OTOP1: variants seen among roughly 807,000 people sequenced by gnomAD.
OTOP1 encodes proton channel OTOP1.
A neutral mutation model predicts 52.9 loss-of-function variants in OTOP1; 59 were observed. That is an observed-to-expected ratio of 1.12 (90% CI 0.91 to 1.39). The LOEUF is 1.39. Ranked by LOEUF, OTOP1 falls within the 40% of genes most tolerant of loss-of-function variation. The pLI, the probability that OTOP1 is intolerant of heterozygous loss-of-function variation, is 0.00. For synonymous variants in OTOP1, 317 were observed against 337.7 expected (o/e 0.94, Z 0.67); for missense variants, 761 against 800.9 (o/e 0.95, Z 0.60).
chr4:4,212,829 A>G lies in OTOP1; in HGVS notation c.540+39T>C, dbSNP rs756611498. 2.5e-6 allele frequency: 4 copies of G among 1,609,462 alleles called. No homozygotes were observed. In the South Asian group the frequency reaches 4.4e-5, roughly 18 times the overall value. ...TTCTACACAACCTGGGATACACTTC[A>G]TAGGAATGAGACAATATAAATAAAC... is the stretch of plus-strand genomic sequence containing the variant. On this transcript the variant is annotated intron_variant, in intron 2 of 5. Coordinates refer to ENST00000296358, the MANE Select transcript of OTOP1 (RefSeq NM_177998.3).
chr4:4,218,214 A>G (rs1462432454), intron 1 of OTOP1, among the ~76,000 whole-genome samples: 1 of 152,050 alleles, frequency 6.6e-6, no homozygotes, highest in African/African-American at 2.4e-5. Context: ...CAACATGGTG[A>G]AACCCCGTCT....
At position 4,212,800 on chromosome 4, in the gene OTOP1, A is replaced by G. The variant is rs1717053716; in HGVS notation, c.540+68T>C. The G allele has an allele frequency of 5.1e-6, 8 of 1,562,420 alleles. No homozygotes were observed. In the Admixed American group the frequency reaches 1.3e-4, roughly 26 times the overall value. ...CACCTGCCACACGTCTTGATGTTAC[A>G]AGTTTCTACACAACCTGGGATACAC... On this transcript the variant is annotated intron_variant, in intron 2 of 5. Transcript: ENST00000296358.
chr4:4,189,732 G>T (rs1278251264), intron 5 of OTOP1, among the ~76,000 whole-genome samples: 1 of 152,252 alleles, frequency 6.6e-6, no homozygotes, highest in Non-Finnish European at 1.5e-5. Context: ...GAGCTGCCAT[G>T]CTGTGAAGCA....
chr4:4,190,220 C>T (rs1215357071), intron 5 of OTOP1, among the ~76,000 whole-genome samples: 1 of 152,188 alleles, frequency 6.6e-6, no homozygotes, highest in African/African-American at 2.4e-5. Flanking sequence ...CACCTATAAT[C>T]CCAGAACTTT....
rs200964011 is a variant in OTOP1 at position 4,197,223 on chromosome 4, G to T, written c.1611C>A (p.Asn537Lys). ...TATTCCTCAGGACTTTTCTCTTGGC[G>T]TTGCCCTGTAAGAAACGGGGAAGGC... ...PVRLPRFLQG[N>K]AKRKVLRNIA... is the part of the protein sequence containing the mutation. The change falls in exon 5 of 6, where the codon AAC (asparagine) becomes AAA (lysine). Residue 537 changes from asparagine to lysine, a missense_variant. Asn to Lys is a moderately conservative substitution (Grantham distance 94). Transcript: ENST00000296358. The T allele has an allele frequency of 7.0e-7, 1 of 1,418,592 alleles. No individual in the cohort carries two copies. The highest frequency in any genetic ancestry group is 1.3e-5 in the South Asian group (1 of 74,880). 87.9% of individuals were successfully genotyped at this position (1,418,592 alleles called of 1,614,324 possible). A position where few individuals can be genotyped will look rare whatever the true frequency, so the allele number is the denominator to read the frequency against.
chr4:4,213,914 A>G (rs1717080604), intron 1 of OTOP1, among the ~76,000 whole-genome samples: 1 of 152,106 alleles, frequency 6.6e-6, no homozygotes, highest in Non-Finnish European at 1.5e-5. Flanking sequence ...ACGTGGTGAA[A>G]CCCGTCTCTA....
chr4:4,202,309 G>C (rs28706369), intron 4 of OTOP1, 139 bp downstream of exon 4: 14 of 1,140,352 alleles, frequency 1.2e-5, no homozygotes, highest in Admixed American at 4.0e-5. Context: ...CAACAACAGC[G>C]GGCTGTCTGG....
intron 5 of OTOP1, among the ~76,000 whole-genome samples, chr4:4,190,333 G>C (rs1716474654): frequency 6.6e-6 from 1 of 152,148 alleles, no homozygotes; most frequent in African/African-American, 2.4e-5. Flanking sequence ...AATTAGCCAG[G>C]TATGGCGGCA....
rs1374150119 is a variant in OTOP1, at chr4:4,197,715, C to G, written c.1119G>C (p.Arg373Ser). The G allele has an allele frequency of 6.2e-7, 1 of 1,613,722 alleles. No homozygotes were observed. Among genetic ancestry groups the G allele is most frequent in the Non-Finnish European group, 8.5e-7 (1 of 1,179,988 alleles). ...ACTCATCCAGTGACTTCTCGTCTAT[C>G]CTGTAAATCCGGATTCCAGCCAGCC... ...AAGLAGIRIY[R>S]IDEKSLDESK... Residue 373 changes from arginine to serine, a missense_variant, in exon 5 of 6, where the codon AGG becomes AGC. Around this residue, in one of 3 missense-constraint regions of OTOP1, gnomAD observed 632 missense variants for 619.5 expected, o/e 1.02. Transcript: ENST00000296358.
chr4:4,220,851 C>T (rs1415581463), intron 1 of OTOP1, among the ~76,000 whole-genome samples: 1 of 152,030 alleles, frequency 6.6e-6, no homozygotes, highest in Non-Finnish European at 1.5e-5. Flanking sequence ...TCTTGAACCC[C>T]CCTCTTAGAG....
chr4:4,224,870 C>T (rs1209360191), intron 1 of OTOP1, among the ~76,000 whole-genome samples: 3 of 151,678 alleles, frequency 2.0e-5, no homozygotes, highest in African/African-American at 7.3e-5. Flanking sequence ...GGAGTAATTC[C>T]TGCCAGGCAT....
chr4:4,220,009 AT>A (rs1553853622), intron 1 of OTOP1, among the ~76,000 whole-genome samples: 1 of 49,736 alleles, frequency 2.0e-5, no homozygotes, highest in East Asian at 5.6e-4. Context: ...ATACATATAT[AT>A]GTATATACAT....
intron 1 of OTOP1, among the ~76,000 whole-genome samples, chr4:4,218,896 TC>T (rs1717209907): frequency 6.6e-6 from 1 of 151,244 alleles, no homozygotes; most frequent in South Asian, 2.1e-4. Flanking sequence ...GCCACTGCAC[TC>T]CAGCCTGGGT....
chr4:4,211,057 G>A (rs1161173190), intron 2 of OTOP1, among the ~76,000 whole-genome samples: 1 of 152,102 alleles, frequency 6.6e-6, no homozygotes, highest in African/African-American at 2.4e-5. Context: ...AAGCTCCCCA[G>A]TGATCCCATC....
rs367562477 is a variant in OTOP1, at chr4:4,210,633, C to G, written c.540+2235G>C. The stretch of plus-strand genomic sequence containing the variant: ...ATTGCCTGAGGTCAGGAGTTCGAGA[C>G]CAGCCTGGCCAACATGGTGAAACCT... On this transcript the variant is annotated intron_variant, in intron 2 of 5. Coordinates refer to ENST00000296358, the MANE Select transcript of OTOP1 (RefSeq NM_177998.3). Among the ~76,000 whole-genome samples the G allele has an allele frequency of 1.3e-3, 194 of 152,238 alleles. 3 individuals carry two copies. The South Asian group carries it at 0.038, about 30-fold the overall frequency.
At chr4:4,215,224 G>C (rs2920179) in intron 1 of OTOP1, among the ~76,000 whole-genome samples, 24,612 of 152,208 alleles carry the variant, frequency 0.16, 2,411 homozygotes, top group Non-Finnish European at 0.22. Context: ...CCCAGAGTCT[G>C]ACAAATGATA....
chr4:4,201,471 T>TACAC lies in OTOP1; in HGVS notation c.730+973_730+976dup, dbSNP rs762922216. Among the ~76,000 whole-genome samples, 370 of 140,838 alleles carry TACAC rather than the reference T, an allele frequency of 2.6e-3. 2 individuals are homozygous for TACAC. Among genetic ancestry groups the TACAC allele is most frequent in the African/African-American group, 7.2e-3 (266 of 37,106 alleles). 92.4% of individuals were successfully genotyped at this position (140,838 alleles called of 152,430 possible). Reference sequence around the variant, plus strand: ...GAATAAATAAATAAATATATATATATACACACACACACACACACACACACA... The same window carrying TACAC: ...GAATAAATAAATAAATATATATATATACACACACACACACACACACACACACACA... On this transcript the variant is annotated intron_variant, in intron 4 of 5. Coordinates refer to ENST00000296358, the MANE Select transcript of OTOP1 (RefSeq NM_177998.3).
intron 2 of OTOP1, among the ~76,000 whole-genome samples, chr4:4,208,535 A>G (rs985188302): frequency 6.6e-6 from 1 of 152,234 alleles, no homozygotes; most frequent in Non-Finnish European, 1.5e-5. Context: ...AAGAAGACCA[A>G]TACTGTATGA....
chr4:4,195,319 C>A (rs138971524), intron 5 of OTOP1, among the ~76,000 whole-genome samples: 9 of 152,346 alleles, frequency 5.9e-5, no homozygotes, highest in East Asian at 1.9e-4. Flanking sequence ...GCCTTGATAA[C>A]CTGGTGAACT....
Sources: gnomAD v4.1 joint callset for allele counts (sites outside exome capture counted in the v4.1 genomes callset) on GRCh38, gnomAD v4.1.1 for gene constraint, gnomAD v4.1.1 regional missense constraint, MANE v1.5 for transcripts, NCBI Gene and HGNC (gene_info 2026-07-23, HGNC 2026-07-21) for gene names.